H3-5: variants seen among roughly 807,000 people sequenced by gnomAD.
H3-5 encodes histone H3.3C.
H3-5 carries 9 observed loss-of-function variants against 8.8 expected under a neutral mutation model. The ratio of observed to expected loss-of-function variants is 1.03; its 90% confidence interval spans 0.62 to 1.79. The LOEUF (loss-of-function observed/expected upper bound fraction) is 1.79. Among genes scored for constraint, H3-5 ranks in the 40% most tolerant of loss-of-function variants. H3-5 has a pLI of 0.00. For missense variants in H3-5, 173 were observed against 183.8 expected (o/e 0.94, Z 0.34); for synonymous variants, 82 against 76.1 (o/e 1.08, Z -0.40).
chr12:31,792,106 G>C lies in H3-5; in HGVS notation c.61C>G (p.Leu21Val), dbSNP rs762636730. The C allele has an allele frequency of 1.2e-6, 2 of 1,614,034 alleles. No homozygotes were observed. The highest frequency in any genetic ancestry group is 1.7e-5 in the Admixed American group (1 of 60,002). Residue 21 changes from leucine (L) to valine (V), a missense_variant, in exon 1 of 1, where the codon CTG becomes GTG. Transcript: ENST00000340398. ...CTTTTCCTGGCAGCTTTCGTGGCCA[G>C]CTGTTTGCGGGGGGCTTTCCCACCG... ...STGGKAPRKQ[L>V]ATKAARKSTP... is the part of the protein sequence containing the mutation.
At position 31,791,576 on chromosome 12, in the gene H3-5, T is replaced by C. The variant is rs1940973714; in HGVS notation, c.*183A>G. 3 of 719,136 alleles carry C rather than the reference T, an allele frequency of 4.2e-6. No individual in the cohort carries two copies. The East Asian group carries it at 8.1e-5, about 19-fold the overall frequency. The allele number at this position is 719,136 out of a possible 1,614,324, so 44.5% of individuals were successfully genotyped here. Reference sequence around the variant, plus strand: ...TTGCATATTAACAACTTGTCACTCCTGAGCAACAGTGCTGACATCACTGAG... The same window carrying C: ...TTGCATATTAACAACTTGTCACTCCCGAGCAACAGTGCTGACATCACTGAG... On this transcript the variant is annotated 3_prime_UTR_variant, in exon 1 of 1. Coordinates refer to ENST00000340398, the MANE Select transcript of H3-5 (RefSeq NM_001013699.3).
rs770770505 is a variant in H3-5 at position 31,791,449 on chromosome 12, G to A, written c.*310C>T. 8.4e-5 allele frequency: 36 copies of A among 427,718 alleles called. No individual in the cohort carries two copies. Among genetic ancestry groups the A allele is most frequent in the Non-Finnish European group, 1.3e-4 (30 of 235,314 alleles). The allele number at this position is 427,718 out of a possible 1,614,324, so 26.5% of individuals were successfully genotyped here. Reference sequence around the variant, plus strand: ...ACCAGTTTTATTGCAAAAGGACCCTGTTGTACACATTTATCAATTCTAGTA... The same window carrying A: ...ACCAGTTTTATTGCAAAAGGACCCTATTGTACACATTTATCAATTCTAGTA... On this transcript the variant is annotated 3_prime_UTR_variant, in exon 1 of 1. Coordinates refer to ENST00000340398, the MANE Select transcript of H3-5 (RefSeq NM_001013699.3).
Position 31,792,151 on chromosome 12 carries a change from G to C in H3-5, c.16C>G (p.Gln6Glu), listed in dbSNP as rs747057753. Residue 6 changes from glutamine (Q) to glutamate (E), a missense_variant, in exon 1 of 1, where the codon CAG becomes GAG. Physicochemically the swap from Gln to Glu is conservative, Grantham distance 29 (BLOSUM62 2). Coordinates refer to ENST00000340398, the MANE Select transcript of H3-5 (RefSeq NM_001013699.3). ...CCACCGGTGGATTTACGAGCAGTCT[G>C]CTTGGTTCGGGCCATTTTCTTTCAC... Reference protein sequence around the residue: MARTKQTARKSTGGKA... With the variant: MARTKETARKSTGGKA... 6.8e-6 allele frequency: 11 copies of C among 1,613,174 alleles called. No individual in the cohort carries two copies. In the Admixed American group the frequency reaches 1.7e-4, roughly 24 times the overall value.
chr12:31,792,288 C>T lies in H3-5; in HGVS notation c.-122G>A, dbSNP rs900713677. On this transcript the variant is annotated 5_prime_UTR_variant, in exon 1 of 1. Coordinates refer to ENST00000340398, the MANE Select transcript of H3-5 (RefSeq NM_001013699.3). ...ACACTGGTCCAACGAACGACCAAAC[C>T]GCTCTGCGCCCTCCTCTCTTTTATC... 2 of 1,120,182 alleles carry T rather than the reference C, an allele frequency of 1.8e-6. No homozygotes were observed. The highest frequency in any genetic ancestry group is 1.6e-5 in the African/African-American group (1 of 63,864). The allele number at this position is 1,120,182 out of a possible 1,614,324, so 69.4% of individuals were successfully genotyped here. A position where few individuals can be genotyped will look rare whatever the true frequency, so the allele number is the denominator to read the frequency against.
Position 31,792,133 on chromosome 12 carries a change from T to C in H3-5, c.34A>G (p.Thr12Ala). ...ARTKQTARKS[T>A]GGKAPRKQLA... ...TGTTTGCGGGGGGCTTTCCCACCGG[T>C]GGATTTACGAGCAGTCTGCTTGGTT... The change falls in exon 1 of 1, where the codon ACC (threonine) becomes GCC (alanine). Residue 12 changes from threonine to alanine, a missense_variant. Physicochemically the swap from Thr to Ala is moderately conservative, Grantham distance 58. Transcript: ENST00000340398. The C allele has an allele frequency of 6.2e-7, 1 of 1,613,978 alleles. No homozygotes were observed. The highest frequency in any genetic ancestry group is 1.1e-5 in the South Asian group (1 of 91,080).
chr12:31,791,960 C>A lies in H3-5; in HGVS notation c.207G>T (p.Arg69Ser). The change falls in exon 1 of 1, where the codon AGG (arginine) becomes AGT (serine). Residue 69 changes from arginine to serine, a missense_variant. Physicochemically the swap from Arg to Ser is moderately radical, Grantham distance 110. Coordinates refer to ENST00000340398, the MANE Select transcript of H3-5 (RefSeq NM_001013699.3). ...AATCCTGCGCGATCTCCCTCACCAACCTCTGGAAGGGCAGCTTCCGGATGA... is the reference window on the plus strand; with the variant it reads ...AATCCTGCGCGATCTCCCTCACCAAACTCTGGAAGGGCAGCTTCCGGATGA... ...ELLIRKLPFQ[R>S]LVREIAQDFN... 6.2e-7 allele frequency: 1 copy of A among 1,614,206 alleles called. No homozygotes were observed. The highest frequency in any genetic ancestry group is 1.1e-5 in the South Asian group (1 of 91,086).
Position 31,791,828 on chromosome 12 carries a change from G to A in H3-5, c.339C>T (p.His113=), listed in dbSNP as rs548380416. The change falls in exon 1 of 1, where the codon CAC becomes CAT. Residue 113 remains histidine, a synonymous_variant. Transcript: ENST00000340398. ...LLEDTNLCAI[H]AKRVTIMPKD... ...TGGGCATGATGGTGACTCTCTTAGCGTGGATGGCACACAGGTTAGTATCTT... is the reference window on the plus strand; with the variant it reads ...TGGGCATGATGGTGACTCTCTTAGCATGGATGGCACACAGGTTAGTATCTT... 15 of 1,614,150 alleles carry A rather than the reference G, an allele frequency of 9.3e-6. No homozygotes were observed. The highest frequency in any genetic ancestry group is 6.7e-5 in the African/African-American group (5 of 75,032).
chr12:31,791,972 C>G lies in H3-5; in HGVS notation c.195G>C (p.Leu65=), dbSNP rs201182496. ...QKSTELLIRK[L]PFQRLVREIA... is the part of the protein sequence containing the mutation. ...TCTCCCTCACCAACCTCTGGAAGGG[C>G]AGCTTCCGGATGAGCAGCTCGGTCG... Residue 65 remains leucine (L), a synonymous_variant, in exon 1 of 1, where the codon CTG becomes CTC. Coordinates refer to ENST00000340398, the MANE Select transcript of H3-5 (RefSeq NM_001013699.3). The G allele has an allele frequency of 1.7e-5, 27 of 1,614,204 alleles. No individual in the cohort carries two copies. The East Asian group carries it at 5.8e-4, about 35-fold the overall frequency.
In H3-5 at chr12:31,791,573, T is replaced by C; in HGVS notation, c.*186A>G. 1.4e-6 allele frequency: 1 copy of C among 701,690 alleles called. No homozygotes were observed. Among genetic ancestry groups the C allele is most frequent in the Non-Finnish European group, 2.4e-6 (1 of 424,270 alleles). The allele number at this position is 701,690 out of a possible 1,614,324, so 43.5% of individuals were successfully genotyped here. On this transcript the variant is annotated 3_prime_UTR_variant, in exon 1 of 1. Coordinates refer to ENST00000340398, the MANE Select transcript of H3-5 (RefSeq NM_001013699.3). ...GTTTTGCATATTAACAACTTGTCACTCCTGAGCAACAGTGCTGACATCACT... is the reference window on the plus strand; with the variant it reads ...GTTTTGCATATTAACAACTTGTCACCCCTGAGCAACAGTGCTGACATCACT...
chr12:31,791,780 C>A lies in H3-5; in HGVS notation c.387G>T (p.Arg129=). 1 of 1,614,180 alleles carries A rather than the reference C, an allele frequency of 6.2e-7. No homozygotes were observed. The highest frequency in any genetic ancestry group is 8.5e-7 in the Non-Finnish European group (1 of 1,180,046). Residue 129 remains arginine, a synonymous_variant, in exon 1 of 1, where the codon CGG becomes CGT. Transcript: ENST00000340398. Reference sequence around the variant, plus strand: ...TCACTTAAGCTCTCTCTCCCCGTATCCGGCGAGCCAACTGGATGTCTTTGG... The same window carrying A: ...TCACTTAAGCTCTCTCTCCCCGTATACGGCGAGCCAACTGGATGTCTTTGG... ...IMPKDIQLAR[R]IRGERA
In H3-5 at chr12:31,791,763, G is replaced by C; in HGVS notation, c.404C>G (p.Ala135Gly). The C allele has an allele frequency of 6.2e-7, 1 of 1,613,740 alleles. No homozygotes were observed. Among genetic ancestry groups the C allele is most frequent in the Non-Finnish European group, 8.5e-7 (1 of 1,179,782 alleles). ...QLARRIRGER[A>G] Reference sequence around the variant, plus strand: ...TGCCATAAAAACTGCCTTCACTTAAGCTCTCTCTCCCCGTATCCGGCGAGC... The same window carrying C: ...TGCCATAAAAACTGCCTTCACTTAACCTCTCTCTCCCCGTATCCGGCGAGC... Residue 135 changes from alanine to glycine, a missense_variant, in exon 1 of 1, where the codon GCT becomes GGT. Physicochemically the swap from Ala to Gly is moderately conservative, Grantham distance 60 (BLOSUM62 0). Transcript: ENST00000340398.
chr12:31,791,558 T>G lies in H3-5; in HGVS notation c.*201A>C. 1 of 644,128 alleles carries G rather than the reference T, an allele frequency of 1.6e-6. No homozygotes were observed. Among genetic ancestry groups the G allele is most frequent in the Non-Finnish European group, 2.7e-6 (1 of 376,932 alleles). The allele number at this position is 644,128 out of a possible 1,614,324, so 39.9% of individuals were successfully genotyped here. A position where few individuals can be genotyped will look rare whatever the true frequency, so the allele number is the denominator to read the frequency against. ...AAATATCACGCATCCGTTTTGCATA[T>G]TAACAACTTGTCACTCCTGAGCAAC... On this transcript the variant is annotated 3_prime_UTR_variant, in exon 1 of 1. Transcript: ENST00000340398.
rs1940969919 is a variant in H3-5, at chr12:31,791,217, T to C, written c.*542A>G. ...TGTAAAACATTTAATTTGAAAATGT[T>C]GACACTACAATATATAAAATAGCTA... On this transcript the variant is annotated 3_prime_UTR_variant, in exon 1 of 1. Coordinates refer to ENST00000340398, the MANE Select transcript of H3-5 (RefSeq NM_001013699.3). 1 of 153,322 alleles carries C rather than the reference T, an allele frequency of 6.5e-6. No homozygotes were observed. The highest frequency in any genetic ancestry group is 2.4e-5 in the African/African-American group (1 of 41,450). 9.5% of individuals were successfully genotyped at this position (153,322 alleles called of 1,614,324 possible). A position where few individuals can be genotyped will look rare whatever the true frequency, so the allele number is the denominator to read the frequency against.
chr12:31,791,673 T>C lies in H3-5; in HGVS notation c.*86A>G. ...ATGACTTAAGTACAAATGCAACATA[T>C]AAACAATTTCTTACAAAAAAAGTCA... is the stretch of plus-strand genomic sequence containing the variant. On this transcript the variant is annotated 3_prime_UTR_variant, in exon 1 of 1. Transcript: ENST00000340398. 2 of 1,508,066 alleles carry C rather than the reference T, an allele frequency of 1.3e-6. No homozygotes were observed. Among genetic ancestry groups the C allele is most frequent in the Non-Finnish European group, 1.8e-6 (2 of 1,110,982 alleles). 93.4% of individuals were successfully genotyped at this position (1,508,066 alleles called of 1,614,324 possible).
In H3-5 at chr12:31,792,212, C is replaced by G. The variant is rs1173445299; in HGVS notation, c.-46G>C. On this transcript the variant is annotated 5_prime_UTR_variant, in exon 1 of 1. Coordinates refer to ENST00000340398, the MANE Select transcript of H3-5 (RefSeq NM_001013699.3). Reference sequence around the variant, plus strand: ...AGTTTTAGGCCACTTCTCCGACCTCCGCGCTGCTTCCGCTGCCCGAGGAAG... The same window carrying G: ...AGTTTTAGGCCACTTCTCCGACCTCGGCGCTGCTTCCGCTGCCCGAGGAAG... The G allele has an allele frequency of 4.4e-6, 7 of 1,580,258 alleles. 1 individual carries two copies. In the South Asian group the frequency reaches 8.1e-5, roughly 18 times the overall value.
In H3-5 at chr12:31,791,538, TCAC is replaced by T. The variant is rs1940973173; in HGVS notation, c.*218_*220del. 1 of 600,208 alleles carries T rather than the reference TCAC, an allele frequency of 1.7e-6. No homozygotes were observed. Among genetic ancestry groups the T allele is most frequent in the African/African-American group, 1.9e-5 (1 of 53,768 alleles). 37.2% of individuals were successfully genotyped at this position (600,208 alleles called of 1,614,324 possible). ...CATGCATCATGAGAAGCAAGAAATA[TCAC>T]GCATCCGTTTTGCATATTAACAACT... On this transcript the variant is annotated 3_prime_UTR_variant, in exon 1 of 1. Coordinates refer to ENST00000340398, the MANE Select transcript of H3-5 (RefSeq NM_001013699.3).
chr12:31,792,175 AC>A lies in H3-5; in HGVS notation c.-10del. 1 of 1,607,362 alleles carries A rather than the reference AC, an allele frequency of 6.2e-7. No homozygotes were observed. The highest frequency in any genetic ancestry group is 8.5e-7 in the Non-Finnish European group (1 of 1,175,474). Reference sequence around the variant, plus strand: ...TGCTTGGTTCGGGCCATTTTCTTTCACCCAACGCCGAAGTTTTAGGCCACTT... The same window carrying A: ...TGCTTGGTTCGGGCCATTTTCTTTCACCAACGCCGAAGTTTTAGGCCACTT... On this transcript the variant is annotated 5_prime_UTR_variant, in exon 1 of 1. Transcript: ENST00000340398.
rs1940986358 is a variant in H3-5 at position 31,792,254 on chromosome 12, G to T, written c.-88C>A. Reference sequence around the variant, plus strand: ...CCGAGGAAGAGCCGCAGTCGCGAGCGAAGAACCGACACTGGTCCAACGAAC... The same window carrying T: ...CCGAGGAAGAGCCGCAGTCGCGAGCTAAGAACCGACACTGGTCCAACGAAC... On this transcript the variant is annotated 5_prime_UTR_variant, in exon 1 of 1. Transcript: ENST00000340398. 6 of 1,508,740 alleles carry T rather than the reference G, an allele frequency of 4.0e-6. No homozygotes were observed. The highest frequency in any genetic ancestry group is 5.4e-6 in the Non-Finnish European group (6 of 1,115,600). 93.5% of individuals were successfully genotyped at this position (1,508,740 alleles called of 1,614,324 possible).
chr12:31,792,088 T>C lies in H3-5; in HGVS notation c.79A>G (p.Arg27Gly). The change falls in exon 1 of 1, where the codon AGG (arginine) becomes GGG (glycine). Residue 27 changes from arginine to glycine, a missense_variant. Physicochemically the swap from Arg to Gly is moderately radical, Grantham distance 125. Transcript: ENST00000340398. ...PRKQLATKAARKSTPSTCGVK... is the reference protein window; with the variant it reads ...PRKQLATKAAGKSTPSTCGVK... ...CCGCAGGTAGAGGGGGTGCTTTTCC[T>C]GGCAGCTTTCGTGGCCAGCTGTTTG... 6.2e-7 allele frequency: 1 copy of C among 1,614,176 alleles called. No individual in the cohort carries two copies. Among genetic ancestry groups the C allele is most frequent in the Non-Finnish European group, 8.5e-7 (1 of 1,180,022 alleles).
Sources: gnomAD v4.1 joint callset for allele counts on GRCh38, gnomAD v4.1.1 for gene constraint, MANE v1.5 for transcripts, NCBI Gene and HGNC (gene_info 2026-07-23, HGNC 2026-07-21) for gene names.